The following EPB41L4B variants were observed in gnomAD, a reference collection of about 807,000 sequenced individuals.
EPB41L4B encodes erythrocyte membrane protein band 4.1 like 4B, also known as band 4.1-like protein 4B.
A neutral mutation model predicts 112.5 loss-of-function variants in EPB41L4B; 30 were observed. The ratio of observed to expected loss-of-function variants is 0.27; its 90% confidence interval spans 0.20 to 0.36. The LOEUF (loss-of-function observed/expected upper bound fraction) is 0.36. Among genes scored for constraint, EPB41L4B ranks in the 10% least tolerant of loss-of-function variants. EPB41L4B has a pLI of 1.00. For missense variants in EPB41L4B, 1,024 were observed against 1,133.3 expected (o/e 0.90, Z 1.38); for synonymous variants, 408 against 439.7 (o/e 0.93, Z 0.90).
At chr9:109,261,766 T>C (rs1275177412) in intron 6 of EPB41L4B, among the ~76,000 whole-genome samples, 1 of 152,186 alleles carries the variant, frequency 6.6e-6, no homozygotes, top group Non-Finnish European at 1.5e-5. Flanking sequence ...TATTGGTGGG[T>C]TGTTGTCCTG....
chr9:109,194,580 G>C (rs1302402774), intron 20 of EPB41L4B, among the ~76,000 whole-genome samples, 183 bp from the exon 21 acceptor site: 2 of 152,164 alleles, frequency 1.3e-5, no homozygotes, highest in East Asian at 3.9e-4. Context: ...AAAACAAATT[G>C]GGGTGAATTT....
chr9:109,192,205 G>T, intron 22 of EPB41L4B, 73 bp downstream of exon 22: 1 of 1,212,662 alleles, frequency 8.2e-7, no homozygotes, highest in Non-Finnish European at 1.2e-6. Flanking sequence ...GCCCACCTCT[G>T]TCCATCCGTC....
At chr9:109,204,909 C>T (rs1353666433) in intron 18 of EPB41L4B, among the ~76,000 whole-genome samples, 1 of 152,124 alleles carries the variant, frequency 6.6e-6, no homozygotes, top group Non-Finnish European at 1.5e-5. Flanking sequence ...ACATTTAAAC[C>T]CCTAGCAGTA....
chr9:109,203,499 C>T (rs114639065), intron 19 of EPB41L4B, among the ~76,000 whole-genome samples, 164 bp downstream of exon 19: 2,678 of 152,254 alleles, frequency 0.018, 79 homozygotes, highest in African/African-American at 0.062. Context: ...TTGAGGCTTG[C>T]GGAAAGTTAG....
At chr9:109,243,566 C>T in intron 15 of EPB41L4B, 52 bp downstream of exon 15, 1 of 1,575,532 alleles carries the variant, frequency 6.3e-7, no homozygotes, top group Non-Finnish European at 8.7e-7. Flanking sequence ...CTGAACTTTT[C>T]TAGAGAAAGG....
chr9:109,261,590 G>C (rs1217655323), intron 6 of EPB41L4B, among the ~76,000 whole-genome samples: 1 of 152,060 alleles, frequency 6.6e-6, no homozygotes, highest in Non-Finnish European at 1.5e-5. Context: ...GTGTACACAT[G>C]ACAAAATACA....
chr9:109,302,092 G>A (rs1271838603), intron 1 of EPB41L4B, among the ~76,000 whole-genome samples: 1 of 152,192 alleles, frequency 6.6e-6, no homozygotes, highest in Non-Finnish European at 1.5e-5. Flanking sequence ...AAGCAAGGTA[G>A]ACCGAAACTG....
chr9:109,228,708 G>A (rs553000997), intron 15 of EPB41L4B, among the ~76,000 whole-genome samples: 1 of 152,298 alleles, frequency 6.6e-6, no homozygotes, highest in South Asian at 2.1e-4. Flanking sequence ...TCAAAACTGG[G>A]TGTCATTAAA....
chr9:109,271,141 A>G (rs1835599002), intron 2 of EPB41L4B, among the ~76,000 whole-genome samples: 1 of 152,202 alleles, frequency 6.6e-6, no homozygotes, highest in Non-Finnish European at 1.5e-5. Flanking sequence ...GTGTGCATTC[A>G]CAGGCAGACC....
chr9:109,243,658 G>A lies in EPB41L4B; in HGVS notation c.1369C>T (p.Pro457Ser), dbSNP rs745392405. Residue 457 changes from proline (P) to serine (S), a missense_variant, in exon 15 of 26, where the codon CCC becomes TCC. Pro to Ser is a moderately conservative substitution (Grantham distance 74, BLOSUM62 -1). Transcript: ENST00000374566. ...TGAGGATGCCACCGGGGCTGGCTGGGATGGATATTAGGATGATATTGAGGC... is the reference window on the plus strand; with the variant it reads ...TGAGGATGCCACCGGGGCTGGCTGGAATGGATATTAGGATGATATTGAGGC... ...YQPQYHPNIHPSQPRWHPHSP... is the reference protein window; with the variant it reads ...YQPQYHPNIHSSQPRWHPHSP... The A allele has an allele frequency of 4.3e-6, 7 of 1,614,224 alleles. No individual in the cohort carries two copies. In the South Asian group the frequency reaches 7.7e-5, roughly 18 times the overall value.
chr9:109,182,200 CT>C (rs200350469), intron 24 of EPB41L4B, among the ~76,000 whole-genome samples: 3,278 of 152,296 alleles, frequency 0.022, 60 homozygotes, highest in Non-Finnish European at 0.028. Flanking sequence ...TAGAACAGAT[CT>C]CAATCCGTCT....
At chr9:109,239,179 G>A (rs1460533068) in intron 15 of EPB41L4B, among the ~76,000 whole-genome samples, 1 of 152,214 alleles carries the variant, frequency 6.6e-6, no homozygotes, top group Non-Finnish European at 1.5e-5. Context: ...TAAGAAGAGA[G>A]AAGAAAGCCC....
chr9:109,195,563 C>T (rs1210637337), intron 20 of EPB41L4B, among the ~76,000 whole-genome samples: 7 of 152,156 alleles, frequency 4.6e-5, no homozygotes, highest in African/African-American at 1.4e-4. Context: ...GTTCATTCAC[C>T]CACTTAATTT....
intron 20 of EPB41L4B, among the ~76,000 whole-genome samples, chr9:109,199,505 C>A (rs1832751216): frequency 6.6e-6 from 1 of 151,998 alleles, no homozygotes; most frequent in Non-Finnish European, 1.5e-5. Context: ...CCCGTCTCTA[C>A]CAAAAATACA....
intron 1 of EPB41L4B, among the ~76,000 whole-genome samples, chr9:109,290,397 G>T (rs1020840452): frequency 6.6e-6 from 1 of 152,148 alleles, no homozygotes; most frequent in African/African-American, 2.4e-5. Flanking sequence ...AAAAATAGAG[G>T]TATGTGAAGT....
At chr9:109,255,017 G>C (rs1461885248) in intron 11 of EPB41L4B, among the ~76,000 whole-genome samples, 1 of 152,160 alleles carries the variant, frequency 6.6e-6, no homozygotes, top group Non-Finnish European at 1.5e-5. Flanking sequence ...TCTGGCCCTG[G>C]TTTCCTTATC....
intron 2 of EPB41L4B, among the ~76,000 whole-genome samples, chr9:109,278,242 C>T (rs1409784263): frequency 5.3e-5 from 8 of 151,742 alleles, no homozygotes; most frequent in Admixed American, 2.0e-4. Flanking sequence ...CGGGAGGGTT[C>T]GAGGAGGACA....
rs370778605 is a variant in EPB41L4B at position 109,229,330 on chromosome 9, C to A, written c.1410-12185G>T. On this transcript the variant is annotated intron_variant, in intron 15 of 25. Transcript: ENST00000374566. ...GGCCAAGAAATCAACAGATTCCCCG[C>A]CTTTAACAGAATGCCCATGTCTGGA... Among the ~76,000 whole-genome samples, 4 of 152,320 alleles carry A rather than the reference C, an allele frequency of 2.6e-5. No homozygotes were observed. In the East Asian group the frequency reaches 7.7e-4, roughly 29 times the overall value.
chr9:109,185,419 C>T, intron 23 of EPB41L4B, 70 bp downstream of exon 23: 2 of 1,371,502 alleles, frequency 1.5e-6, no homozygotes, highest in East Asian at 2.3e-5. Flanking sequence ...CCCAGGCTTC[C>T]ACCTCGCCTG....
Sources: allele counts gnomAD v4.1 joint callset (sites outside exome capture counted in the v4.1 genomes callset), GRCh38; gene constraint gnomAD v4.1.1; transcripts MANE v1.5; gene names NCBI Gene and HGNC (gene_info 2026-07-23, HGNC 2026-07-21).